KMT5A: variants seen among roughly 807,000 people sequenced by gnomAD.
KMT5A encodes lysine methyltransferase 5A.
In KMT5A, 6 loss-of-function variants were observed where a neutral mutation model predicts 40.6. That is an observed-to-expected ratio of 0.15 (90% confidence interval 0.08 to 0.29). The LOEUF is 0.29. Among genes scored for constraint, KMT5A ranks in the 10% least tolerant of loss-of-function variants. The pLI is 1.00. For missense variants in KMT5A, 308 were observed against 459.1 expected, an observed-to-expected ratio of 0.67 and a Z score of 3.01; for synonymous variants, 153 against 178.8, an observed-to-expected ratio of 0.86 and a Z score of 1.15.
At chr12:123,390,992 AAG>A (rs1481539055) in intron 3 of KMT5A, 3 of 570,230 alleles carry the variant, frequency 5.3e-6, no homozygotes, top group Non-Finnish European at 9.2e-6. Flanking sequence ...CTGCTTTCAC[AAG>A]AGTTAGCATA....
chr12:123,385,851 C>CA (rs1036653091), intron 1 of KMT5A, among the ~76,000 whole-genome samples: 1 of 151,908 alleles, frequency 6.6e-6, no homozygotes, highest in African/African-American at 2.4e-5. Context: ...GACTCCATCT[C>CA]AAAAAAACAA....
intron 5 of KMT5A, among the ~76,000 whole-genome samples, chr12:123,400,004 G>T (rs563919744): frequency 6.6e-6 from 1 of 152,110 alleles, no homozygotes; most frequent in African/African-American, 2.4e-5. Flanking sequence ...TGTATTTTTA[G>T]TAGAGACAGG....
chr12:123,403,565 C>T lies in KMT5A; in HGVS notation c.598-8C>T. The T allele has an allele frequency of 6.2e-7, 1 of 1,614,118 alleles. No homozygotes were observed. Among genetic ancestry groups the T allele is most frequent in the Non-Finnish European group, 8.5e-7 (1 of 1,179,970 alleles). On this transcript the variant is annotated splice_polypyrimidine_tract_variant and splice_region_variant and intron_variant, in intron 5 of 7. Coordinates refer to ENST00000402868, the MANE Select transcript of KMT5A (RefSeq NM_020382.7). ...ATACTGATGCTGTTTTTCTTTCTCT[C>T]TGCCCAGTCTGAAGAAAGGAAAAGA...
chr12:123,402,287 G>A lies in KMT5A; in HGVS notation c.598-1286G>A, dbSNP rs542057101. 6.6e-5 allele frequency among the ~76,000 whole-genome samples: 10 copies of A among 152,328 alleles called. No individual in the cohort carries two copies. The South Asian group carries it at 1.9e-3, about 28-fold the overall frequency. ...CTAGCAAGGGGGCCGGAGCGGGGCC[G>A]GGGCCGTGGCTGGGCTGCAGGGCCG... On this transcript the variant is annotated intron_variant, in intron 5 of 7. Coordinates refer to ENST00000402868, the MANE Select transcript of KMT5A (RefSeq NM_020382.7).
intron 3 of KMT5A, among the ~76,000 whole-genome samples, chr12:123,393,188 T>C (rs1343621703): frequency 6.6e-6 from 1 of 152,190 alleles, no homozygotes; most frequent in Non-Finnish European, 1.5e-5. Context: ...AATGTATTTA[T>C]TTATTTTTCT....
At chr12:123,396,262 C>T in intron 4 of KMT5A, 83 bp from the exon 5 acceptor site, 1 of 1,314,586 alleles carries the variant, frequency 7.6e-7, no homozygotes, top group Admixed American at 1.7e-5. Context: ...TGTGTGCCTC[C>T]TCGGTGTGTG....
chr12:123,400,592 C>G (rs751253084), intron 5 of KMT5A, among the ~76,000 whole-genome samples: 3 of 151,960 alleles, frequency 2.0e-5, no homozygotes, highest in African/African-American at 7.3e-5. Context: ...AACTCCTGAC[C>G]TTGTGATCCG....
chr12:123,394,104 CT>C (rs397711320), intron 3 of KMT5A, among the ~76,000 whole-genome samples: 7,471 of 124,874 alleles, frequency 0.06, 138 homozygotes, highest in South Asian at 0.1. Flanking sequence ...ATTTTTTTTT[CT>C]TTTTTTTTTT....
At chr12:123,389,264 G>C (rs1200261675) in intron 1 of KMT5A, 169 bp from the exon 2 acceptor site, 1 of 212,614 alleles carries the variant, frequency 4.7e-6, no homozygotes, top group African/African-American at 2.5e-5. Context: ...GGCGACGCGG[G>C]CTCCGGCCCG....
intron 5 of KMT5A, among the ~76,000 whole-genome samples, chr12:123,398,791 C>T (rs1226802638): frequency 6.6e-6 from 1 of 152,232 alleles, no homozygotes; most frequent in African/African-American, 2.4e-5. Context: ...TGGGGCTCAT[C>T]TGAAGGGTGG....
chr12:123,401,350 A>G (rs1347627531), intron 5 of KMT5A, among the ~76,000 whole-genome samples: 44 of 149,696 alleles, frequency 2.9e-4, no homozygotes, highest in South Asian at 2.7e-3. Context: ...GGGTTTCACC[A>G]TGTTAGCCAG....
At chr12:123,400,807 T>TTTTTTG (rs1878098330) in intron 5 of KMT5A, among the ~76,000 whole-genome samples, 1 of 152,090 alleles carries the variant, frequency 6.6e-6, no homozygotes, top group African/African-American at 2.4e-5. Flanking sequence ...GTTGAAGTTT[T>TTTTTTG]TTTTTTGTTT....
At chr12:123,403,486 C>G in intron 5 of KMT5A, 87 bp from the exon 6 acceptor site, 2 of 1,474,062 alleles carry the variant, frequency 1.4e-6, no homozygotes, top group South Asian at 2.3e-5. Context: ...TGGGCATGGC[C>G]TGGGCAATCA....
At chr12:123,407,460 A>G in intron 7 of KMT5A, 33 bp from the exon 8 acceptor site, 1 of 1,607,818 alleles carries the variant, frequency 6.2e-7, no homozygotes. Context: ...CTCTTTATCC[A>G]TTTAATCCTC....
At chr12:123,390,992 A>G in intron 3 of KMT5A, 1 of 570,348 alleles carries the variant, frequency 1.8e-6, no homozygotes, top group African/African-American at 1.9e-5. Context: ...CTGCTTTCAC[A>G]AGAGTTAGCA....
rs567496400 is a variant in KMT5A at position 123,397,532 on chromosome 12, A to T, written c.597+1100A>T. ...ATTGATGAAGCTTCATTTAAAAAAA[A>T]TTTTTAAAAAGGTCCATTTTCTTCC... On this transcript the variant is annotated intron_variant, in intron 5 of 7. Coordinates refer to ENST00000402868, the MANE Select transcript of KMT5A (RefSeq NM_020382.7). Among the ~76,000 whole-genome samples, 57 of 152,270 alleles carry T rather than the reference A, an allele frequency of 3.7e-4. No individual in the cohort carries two copies. In the South Asian group the frequency reaches 4.6e-3, roughly 12 times the overall value.
At chr12:123,404,490 A>G (rs1878394001) in intron 6 of KMT5A, among the ~76,000 whole-genome samples, 1 of 152,220 alleles carries the variant, frequency 6.6e-6, no homozygotes, top group Admixed American at 6.5e-5. Context: ...CAGAGAAACC[A>G]GGTGTGTGGA....
chr12:123,401,187 T>C (rs28888731), intron 5 of KMT5A, among the ~76,000 whole-genome samples: 124,808 of 131,194 alleles, frequency 0.95, 59,510 homozygotes, highest in Non-Finnish European at 0.96. Flanking sequence ...CTTGCTCTGT[T>C]GCCAAGGCTG....
chr12:123,394,810 T>G (rs1877568528), intron 3 of KMT5A, among the ~76,000 whole-genome samples: 1 of 152,084 alleles, frequency 6.6e-6, no homozygotes, highest in Non-Finnish European at 1.5e-5. Context: ...ATCTCCCACG[T>G]CAAGATGCAA....
Sources: allele counts gnomAD v4.1 joint callset (sites outside exome capture counted in the v4.1 genomes callset), GRCh38; gene constraint gnomAD v4.1.1; transcripts MANE v1.5; gene names NCBI Gene and HGNC (gene_info 2026-07-23, HGNC 2026-07-21).